The following EHMT1 variants were observed in gnomAD, a reference collection of about 807,000 sequenced individuals.
EHMT1 encodes the protein euchromatic histone lysine methyltransferase 1, also known as histone-lysine N-methyltransferase EHMT1.
EHMT1 carries 15 observed loss-of-function variants against 147.2 expected under a neutral mutation model. That is an observed-to-expected ratio of 0.10 (90% CI 0.07 to 0.16). EHMT1 has a LOEUF of 0.16. Ranked by LOEUF, EHMT1 falls within the 10% of genes least tolerant of loss-of-function variation. EHMT1 has a pLI of 1.00. For synonymous variants in EHMT1, 795 were observed against 709.6 expected (o/e 1.12, Z -1.91); for missense variants, 1,587 against 1,772.4 (o/e 0.90, Z 1.88).
intron 10 of EHMT1, among the ~76,000 whole-genome samples, chr9:137,767,755 G>T (rs1265799356): frequency 6.6e-6 from 1 of 152,144 alleles, no homozygotes; most frequent in Non-Finnish European, 1.5e-5. Context: ...GGAGATTGCA[G>T]CGTGCCAAGA....
chr9:137,715,763 T>A (rs1945156672), intron 2 of EHMT1: 1 of 985,272 alleles, frequency 1.0e-6, no homozygotes, highest in South Asian at 4.7e-5. Flanking sequence ...GTGCTCCAAG[T>A]ATAAGCCCTT....
intron 1 of EHMT1, among the ~76,000 whole-genome samples, chr9:137,681,557 C>T (rs956551358): frequency 6.6e-6 from 1 of 152,084 alleles, no homozygotes; most frequent in African/African-American, 2.4e-5. Context: ...TGTCCACTGC[C>T]TTGGTATTTC....
chr9:137,777,242 G>A (rs1951029156), intron 12 of EHMT1: 1 of 259,204 alleles, frequency 3.9e-6, no homozygotes, highest in African/African-American at 2.3e-5. Flanking sequence ...AAAATAATTA[G>A]AAGTGTTCAT....
At chr9:137,625,041 C>T (rs1589023801) in intron 1 of EHMT1, among the ~76,000 whole-genome samples, 2 of 152,032 alleles carry the variant, frequency 1.3e-5, no homozygotes, top group African/African-American at 4.8e-5. Flanking sequence ...GCCACCCCGC[C>T]CCGCTAATTT....
intron 1 of EHMT1, among the ~76,000 whole-genome samples, chr9:137,682,711 G>A (rs1942065116): frequency 6.6e-6 from 1 of 152,224 alleles, no homozygotes; most frequent in Admixed American, 6.5e-5. Context: ...TGGGCGGTGA[G>A]CTGTCCCTGG....
At position 137,834,930 on chromosome 9, in the gene EHMT1, G is replaced by A. The variant is rs756941316; in HGVS notation, c.3874G>A (p.Ala1292Thr). 5 of 1,536,984 alleles carry A rather than the reference G, an allele frequency of 3.3e-6. No individual in the cohort carries two copies. The South Asian group carries it at 3.6e-5, about 11-fold the overall frequency. ...GGACGGCTTGCCCGACACCAGCTCCGCGGCTGCCGCCGACCCCCTATGAGA... is the reference window on the plus strand; with the variant it reads ...GGACGGCTTGCCCGACACCAGCTCCACGGCTGCCGCCGACCCCCTATGAGA... ...QEDGLPDTSSAAAADPL is the reference protein window; with the variant it reads ...QEDGLPDTSSTAAADPL Residue 1292 changes from alanine to threonine, a missense_variant, in exon 27 of 27, where the codon GCG becomes ACG. Around this residue, in one of 7 missense-constraint regions of EHMT1, gnomAD observed 141 missense variants for 150.8 expected, o/e 0.94. Transcript: ENST00000460843.
intron 1 of EHMT1, among the ~76,000 whole-genome samples, chr9:137,668,603 A>T (rs1165959276): frequency 3.9e-5 from 6 of 152,182 alleles, no homozygotes; most frequent in Admixed American, 6.5e-5. Flanking sequence ...TACCATTAGC[A>T]GTTCCTTCCC....
intron 10 of EHMT1, among the ~76,000 whole-genome samples, chr9:137,772,598 C>T (rs1428318931): frequency 2.6e-5 from 4 of 152,234 alleles, no homozygotes; most frequent in Admixed American, 1.3e-4. Flanking sequence ...CCGGTGCGGA[C>T]CCACCTTCAG....
chr9:137,669,725 C>CT (rs149033990), intron 1 of EHMT1, among the ~76,000 whole-genome samples: 39 of 151,744 alleles, frequency 2.6e-4, no homozygotes, highest in Middle Eastern at 3.4e-3. Context: ...TGTTTTTTCT[C>CT]TTTTTTTAAA....
At chr9:137,709,539 T>C (rs183799533) in intron 1 of EHMT1, among the ~76,000 whole-genome samples, 104 of 152,266 alleles carry the variant, frequency 6.8e-4, no homozygotes, top group South Asian at 1.0e-3. Context: ...TGGAAAGCAG[T>C]AGGCACATCC....
Position 137,671,697 on chromosome 9 carries a change from TG to T in EHMT1, c.22-39267del, listed in dbSNP as rs531209144. 1.1e-4 allele frequency among the ~76,000 whole-genome samples: 16 copies of T among 152,086 alleles called. No homozygotes were observed. In the East Asian group the frequency reaches 3.1e-3, roughly 29 times the overall value. ...GTGCCACCATGCCCAGCTAATTTTT[TG>T]GGTATGTTTTGTAGAGATGGGGTTT... is the stretch of plus-strand genomic sequence containing the variant. On this transcript the variant is annotated intron_variant, in intron 1 of 26. Coordinates refer to ENST00000460843, the MANE Select transcript of EHMT1 (RefSeq NM_024757.5).
intron 25 of EHMT1, among the ~76,000 whole-genome samples, chr9:137,833,911 G>C (rs1956404860): frequency 6.6e-6 from 1 of 152,246 alleles, no homozygotes; most frequent in East Asian, 1.9e-4. Context: ...AAGACAGTGT[G>C]TCCCGGATGC....
At chr9:137,682,506 T>G (rs1427794877) in intron 1 of EHMT1, among the ~76,000 whole-genome samples, 3 of 152,178 alleles carry the variant, frequency 2.0e-5, no homozygotes. Context: ...AGCGAGCGTC[T>G]CCCTGGCGGC....
At chr9:137,635,566 A>G (rs1479849633) in intron 1 of EHMT1, among the ~76,000 whole-genome samples, 1 of 150,510 alleles carries the variant, frequency 6.6e-6, no homozygotes, top group Admixed American at 6.6e-5. Flanking sequence ...CACGCCTGTA[A>G]TCCCAGCACT....
rs779359305 is a variant in EHMT1 at position 137,777,910 on chromosome 9, G to A, written c.2047G>A (p.Asp683Asn). ...TGCCGGGCCACCACTCTCGGAGGAC[G>A]ACAAGCTGCAGGGTGCAGCCTCCCA... ...SAAGPPLSEDDKLQGAASHVP... is the reference protein window; with the variant it reads ...SAAGPPLSEDNKLQGAASHVP... The change falls in exon 13 of 27, where the codon GAC becomes AAC. Residue 683 changes from aspartate (D) to asparagine (N), a missense_variant. By Grantham distance (23) the Asp-to-Asn change is conservative. Transcript: ENST00000460843. 5.0e-6 allele frequency: 8 copies of A among 1,613,510 alleles called. No homozygotes were observed. The highest frequency in any genetic ancestry group is 4.5e-5 in the East Asian group (2 of 44,880).
In EHMT1 at chr9:137,706,949, C is replaced by G. The variant is rs986831538; in HGVS notation, c.22-4018C>G. 5.3e-5 allele frequency among the ~76,000 whole-genome samples: 8 copies of G among 150,254 alleles called. No individual in the cohort carries two copies. In the South Asian group the frequency reaches 1.7e-3, roughly 32 times the overall value. ...AAGTGATTCTCCTGCCTCAGCCTCC[C>G]GAGTAGCTGGGATTACAGGCATGTG... On this transcript the variant is annotated intron_variant, in intron 1 of 26. Transcript: ENST00000460843.
chr9:137,654,895 A>G (rs1041911961), intron 1 of EHMT1, among the ~76,000 whole-genome samples: 7 of 152,184 alleles, frequency 4.6e-5, no homozygotes, highest in Admixed American at 6.5e-5. Context: ...GCTGATGCCT[A>G]TGGCTTAGAC....
At chr9:137,784,204 A>C in intron 15 of EHMT1, 1 of 1,550,136 alleles carries the variant, frequency 6.5e-7, no homozygotes, top group Non-Finnish European at 8.7e-7. Context: ...CCACGCCAAG[A>C]GGAAGATGCT....
intron 3 of EHMT1, among the ~76,000 whole-genome samples, chr9:137,717,434 T>C (rs2135518304): frequency 6.6e-6 from 1 of 151,746 alleles, no homozygotes; most frequent in East Asian, 1.9e-4. Context: ...GAAACTCAAA[T>C]GCAAAATTTT....
Sources: gnomAD v4.1 joint callset for allele counts (sites outside exome capture counted in the v4.1 genomes callset) on GRCh38, gnomAD v4.1.1 for gene constraint, gnomAD v4.1.1 regional missense constraint, MANE v1.5 for transcripts, NCBI Gene and HGNC (gene_info 2026-07-23, HGNC 2026-07-21) for gene names.